PER3: variants seen among roughly 807,000 people sequenced by gnomAD.
PER3 encodes period circadian regulator 3, also known as period circadian protein homolog 3.
PER3 carries 107 observed loss-of-function variants against 127.2 expected under a neutral mutation model. That is an observed-to-expected ratio of 0.84 (90% confidence interval 0.72 to 0.99). The LOEUF is 0.99. Ranked by LOEUF, PER3 falls within the 50% of genes least tolerant of loss-of-function variation. The pLI is 0.00. For synonymous variants in PER3, 618 were observed against 585.8 expected, an observed-to-expected ratio of 1.05 and a Z score of -0.79; for missense variants, 1,560 against 1,525.8, an observed-to-expected ratio of 1.02 and a Z score of -0.37.
rs1467379241 is a variant in PER3 at position 7,827,756 on chromosome 1, C to T, written c.2827C>T (p.Pro943Ser). The change falls in exon 18 of 22, where the codon CCC becomes TCC. Residue 943 changes from proline to serine, a missense_variant. By Grantham distance (74) the Pro-to-Ser change is moderately conservative. Around this residue, in one of 3 missense-constraint regions of PER3, gnomAD observed 1,332 missense variants for 1,223.6 expected, o/e 1.09. Coordinates refer to ENST00000377532, the MANE Select transcript of PER3 (RefSeq NM_001377275.1). ...GTTAAACTTACTTCAGGAAGAGATG[C>T]CCAGACCCTCTGAATCTCCAGATCA... Reference protein sequence around the residue: ...LQLNLLQEEMPRPSESPDQMR... With the variant: ...LQLNLLQEEMSRPSESPDQMR... The T allele has an allele frequency of 1.9e-6, 3 of 1,613,836 alleles. No homozygotes were observed. The highest frequency in any genetic ancestry group is 2.7e-5 in the African/African-American group (2 of 74,906).
intron 6 of PER3, among the ~76,000 whole-genome samples, 176 bp downstream of exon 6, chr1:7,794,184 A>G (rs2097134832): frequency 6.6e-6 from 1 of 152,156 alleles, no homozygotes; most frequent in Non-Finnish European, 1.5e-5. Flanking sequence ...CTCATGAGAA[A>G]ACTAGATAAT....
intron 10 of PER3, among the ~76,000 whole-genome samples, chr1:7,806,987 T>G (rs982109475): frequency 6.6e-6 from 1 of 151,882 alleles, no homozygotes; most frequent in Non-Finnish European, 1.5e-5. Context: ...AAGCTCACAA[T>G]GTGTTTATAT....
At position 7,818,654 on chromosome 1, in the gene PER3, A is replaced by C. The variant is rs185654395; in HGVS notation, c.1523-631A>C. 3.3e-5 allele frequency among the ~76,000 whole-genome samples: 5 copies of C among 152,340 alleles called. No individual in the cohort carries two copies. In the South Asian group the frequency reaches 6.2e-4, roughly 19 times the overall value. Reference sequence around the variant, plus strand: ...CTTCTCTCTAAACTACTACATCTACAATGGTGGCCACTTGCCACATGTGGC... The same window carrying C: ...CTTCTCTCTAAACTACTACATCTACCATGGTGGCCACTTGCCACATGTGGC... On this transcript the variant is annotated intron_variant, in intron 13 of 21. Transcript: ENST00000377532.
In PER3 at chr1:7,819,282, C is replaced by G. The variant is rs774060218; in HGVS notation, c.1523-3C>G. 3 of 1,612,046 alleles carry G rather than the reference C, an allele frequency of 1.9e-6. No individual in the cohort carries two copies. Among genetic ancestry groups the G allele is most frequent in the African/African-American group, 2.7e-5 (2 of 74,828 alleles). On this transcript the variant is annotated splice_region_variant and splice_polypyrimidine_tract_variant and intron_variant, in intron 13 of 21. Transcript: ENST00000377532. ...AATTGCACATCCCTTTATTCTGTTT[C>G]AGGTGAATGTAAGACCTTTACTTCC...
chr1:7,785,332 A>T (rs2097081856), intron 2 of PER3, 109 bp from the exon 3 acceptor site: 2 of 825,498 alleles, frequency 2.4e-6, no homozygotes, highest in South Asian at 3.3e-5. Context: ...CTGTGGACTG[A>T]TGCCGGTAGA....
chr1:7,825,200 G>A (rs1377586059), intron 16 of PER3, among the ~76,000 whole-genome samples: 1 of 152,036 alleles, frequency 6.6e-6, no homozygotes, highest in African/African-American at 2.4e-5. Context: ...CCACAGGGGC[G>A]AGCTGGAATG....
At chr1:7,808,330 C>T (rs1419126246) in intron 10 of PER3, among the ~76,000 whole-genome samples, 1 of 151,234 alleles carries the variant, frequency 6.6e-6, no homozygotes, top group East Asian at 1.9e-4. Context: ...CTTTGTAATC[C>T]TCTCTGTTGG....
chr1:7,809,518 G>A (rs1462764268), intron 11 of PER3, among the ~76,000 whole-genome samples: 1 of 152,088 alleles, frequency 6.6e-6, no homozygotes, highest in African/African-American at 2.4e-5. Context: ...TCTCTAGGGT[G>A]CATGAAATAC....
chr1:7,802,993 T>C, intron 8 of PER3, 54 bp from the exon 9 acceptor site: 2 of 904,162 alleles, frequency 2.2e-6, no homozygotes, highest in South Asian at 2.6e-5. Flanking sequence ...TTTTTAAAAG[T>C]GTATAAGAAT....
chr1:7,839,360 C>A (rs1416122368), intron 21 of PER3, among the ~76,000 whole-genome samples: 1 of 152,142 alleles, frequency 6.6e-6, no homozygotes. Context: ...GATTACAAAT[C>A]AAAGTTAAAA....
intron 10 of PER3, among the ~76,000 whole-genome samples, chr1:7,806,812 A>AAAAATATATATATAT (rs61141023): frequency 3.3e-5 from 2 of 60,628 alleles, no homozygotes; most frequent in African/African-American, 1.4e-4. Context: ...AAAAAAAAAA[A>AAAAATATATATATAT]ATATATATAT....
chr1:7,809,917 G>A lies in PER3; in HGVS notation c.1267G>A (p.Gly423Ser), dbSNP rs913035247. The A allele has an allele frequency of 6.2e-6, 10 of 1,613,946 alleles. No homozygotes were observed. Among genetic ancestry groups the A allele is most frequent in the African/African-American group, 2.7e-5 (2 of 75,034 alleles). Residue 423 changes from glycine (G) to serine (S), a missense_variant, in exon 12 of 22, where the codon GGC becomes AGC. Physicochemically the swap from Gly to Ser is moderately conservative, Grantham distance 56 (BLOSUM62 0). Transcript: ENST00000377532. ...LQPVHVSVSS[G>S]YGSLGSSGSQ... ...GCCAGTTCACGTGAGCGTGTCCAGC[G>A]GCTACGGGAGCCTGGGGAGCAGCGG...
chr1:7,822,274 GAGA>G (rs1216217785), intron 16 of PER3, among the ~76,000 whole-genome samples: 1 of 133,728 alleles, frequency 7.5e-6, no homozygotes, highest in African/African-American at 2.8e-5. Context: ...TTTTTTTTTT[GAGA>G]AGGAGTCTTG....
Position 7,819,444 on chromosome 1 carries a change from C to A in PER3, c.1658+24C>A, listed in dbSNP as rs199527950. 4.3e-5 allele frequency: 69 copies of A among 1,608,746 alleles called. No individual in the cohort carries two copies. The East Asian group carries it at 1.5e-3, about 36-fold the overall frequency. ...AGGTATGAGACCGCAAGTTTGGATA[C>A]CATGTAAGTCTGTTCCGGAAGCATA... On this transcript the variant is annotated intron_variant, in intron 14 of 21. Coordinates refer to ENST00000377532, the MANE Select transcript of PER3 (RefSeq NM_001377275.1).
Position 7,843,881 on chromosome 1 carries a change from C to G in PER3, c.*1126C>G. The G allele has an allele frequency of 8.0e-7, 1 of 1,244,562 alleles. No individual in the cohort carries two copies. Among genetic ancestry groups the G allele is most frequent in the South Asian group, 1.4e-5 (1 of 71,160 alleles). 77.1% of individuals were successfully genotyped at this position (1,244,562 alleles called of 1,614,324 possible). A position where few individuals can be genotyped will look rare whatever the true frequency, so the allele number is the denominator to read the frequency against. On this transcript the variant is annotated 3_prime_UTR_variant, in exon 22 of 22. Transcript: ENST00000377532. ...ATTGTTTACTTGATAAATCAGCTCA[C>G]TCTCTGGTGCTTTTTAGAGAAGTCC...
rs1382028936 is a variant in PER3 at position 7,827,657 on chromosome 1, A to G, written c.2728A>G (p.Arg910Gly). ...ACCCCCTTCAGTCACCAGCCAAAGGAGAGAGGAGGAAAAGTGGGAGGCACA... is the reference window on the plus strand; with the variant it reads ...ACCCCCTTCAGTCACCAGCCAAAGGGGAGAGGAGGAAAAGTGGGAGGCACA... ...DPPPSVTSQR[R>G]EEEKWEAQSE... is the part of the protein sequence containing the mutation. Residue 910 changes from arginine (R) to glycine (G), a missense_variant, in exon 18 of 22, where the codon AGA (arginine) becomes GGA (glycine). By Grantham distance (125) the Arg-to-Gly change is moderately radical (BLOSUM62 -2). Transcript: ENST00000377532. 5.0e-6 allele frequency: 8 copies of G among 1,614,128 alleles called. No individual in the cohort carries two copies. Among genetic ancestry groups the G allele is most frequent in the Non-Finnish European group, 6.8e-6 (8 of 1,180,014 alleles).
At chr1:7,838,062 C>T (rs931750896) in intron 21 of PER3, among the ~76,000 whole-genome samples, 8 of 150,996 alleles carry the variant, frequency 5.3e-5, no homozygotes, top group African/African-American at 9.8e-5. Context: ...ACAAATAATT[C>T]GTGTGTGTGT....
intron 6 of PER3, among the ~76,000 whole-genome samples, chr1:7,797,490 C>T (rs2097150681): frequency 6.6e-6 from 1 of 152,102 alleles, no homozygotes; most frequent in Non-Finnish European, 1.5e-5. Flanking sequence ...CAAAAATCAT[C>T]TGGGCGTGGT....
chr1:7,786,924 C>T (rs1264626258), intron 4 of PER3, 88 bp downstream of exon 4: 6 of 760,266 alleles, frequency 7.9e-6, no homozygotes, highest in South Asian at 4.6e-5. Context: ...AGGATAACAA[C>T]GTTTCAGCAA....
Sources: allele counts gnomAD v4.1 joint callset (sites outside exome capture counted in the v4.1 genomes callset), GRCh38; gene constraint gnomAD v4.1.1; regional missense constraint gnomAD v4.1.1; transcripts MANE v1.5; gene names NCBI Gene and HGNC (gene_info 2026-07-23, HGNC 2026-07-21).